ARHGAP32: variants seen among roughly 807,000 people sequenced by gnomAD.
ARHGAP32 encodes rho GTPase-activating protein 32.
In ARHGAP32, 51 loss-of-function variants were observed where a neutral mutation model predicts 186.5. The observed-to-expected ratio is 0.27, with a 90% confidence interval of 0.22 to 0.35. The LOEUF (loss-of-function observed/expected upper bound fraction) is 0.35. Ranked by LOEUF, ARHGAP32 falls within the 10% of genes least tolerant of loss-of-function variation. The probability of loss-of-function intolerance (pLI) is 1.00; values close to 1 mark genes in which losing one functional copy is unlikely to be tolerated. For missense variants in ARHGAP32, 2,186 were observed against 2,623.5 expected (o/e 0.83, Z 3.64); for synonymous variants, 950 against 964.3 (o/e 0.99, Z 0.27).
intron 1 of ARHGAP32, among the ~76,000 whole-genome samples, chr11:129,256,316 GA>G (rs397778499): frequency 1.3e-5 from 2 of 151,196 alleles, no homozygotes; most frequent in Non-Finnish European, 3.0e-5. Flanking sequence ...TTTTAAAAAG[GA>G]AAAAAAAGAC....
chr11:129,212,056 G>A (rs535293248), intron 1 of ARHGAP32, among the ~76,000 whole-genome samples: 252 of 152,228 alleles, frequency 1.7e-3, no homozygotes, highest in Middle Eastern at 6.8e-3. Flanking sequence ...TTGGGGGACT[G>A]AGGTGGAAGG....
At chr11:129,106,330 T>C (rs1591619436) in intron 5 of ARHGAP32, among the ~76,000 whole-genome samples, 1 of 152,228 alleles carries the variant, frequency 6.6e-6, no homozygotes, top group African/African-American at 2.4e-5. Flanking sequence ...TACCATGGAA[T>C]ACTACACAGC....
chr11:129,064,364 T>C (rs1180627045), intron 8 of ARHGAP32, among the ~76,000 whole-genome samples: 1 of 152,128 alleles, frequency 6.6e-6, no homozygotes, highest in African/African-American at 2.4e-5. Flanking sequence ...TTCTTTCCAC[T>C]TTCCATCTTG....
intron 1 of ARHGAP32, among the ~76,000 whole-genome samples, chr11:129,220,100 C>G (rs1944693312): frequency 6.6e-6 from 1 of 152,138 alleles, no homozygotes; most frequent in African/African-American, 2.4e-5. Flanking sequence ...ATCAGACAGA[C>G]CAGATCACTT....
chr11:129,084,719 T>C (rs1011710532), intron 6 of ARHGAP32, among the ~76,000 whole-genome samples: 1 of 152,138 alleles, frequency 6.6e-6, no homozygotes, highest in Non-Finnish European at 1.5e-5. Flanking sequence ...GGTGACAAAC[T>C]TGAAACTCTC....
intron 10 of ARHGAP32, among the ~76,000 whole-genome samples, chr11:129,051,525 A>C (rs181894395): frequency 1.1e-4 from 17 of 152,334 alleles, no homozygotes; most frequent in African/African-American, 3.8e-4. Flanking sequence ...CAGAAGTTTT[A>C]AATTTTGATG....
chr11:129,068,460 A>C (rs1433006035), intron 6 of ARHGAP32, among the ~76,000 whole-genome samples: 5 of 152,046 alleles, frequency 3.3e-5, no homozygotes, highest in Non-Finnish European at 5.9e-5. Context: ...CCAAGTTATG[A>C]TGTACAAGCA....
At chr11:129,254,073 T>C (rs1317649523) in intron 1 of ARHGAP32, among the ~76,000 whole-genome samples, 1 of 152,140 alleles carries the variant, frequency 6.6e-6, no homozygotes, top group African/African-American at 2.4e-5. Flanking sequence ...TAAATAAGTG[T>C]GATCATAGCT....
chr11:129,066,214 C>T (rs1188421030), intron 7 of ARHGAP32, among the ~76,000 whole-genome samples: 2 of 152,034 alleles, frequency 1.3e-5, no homozygotes, highest in Non-Finnish European at 2.9e-5. Flanking sequence ...ATTTACTTTT[C>T]CCCATAAACC....
intron 5 of ARHGAP32, among the ~76,000 whole-genome samples, chr11:129,103,106 G>A (rs911236093): frequency 6.6e-6 from 1 of 152,034 alleles, no homozygotes; most frequent in African/African-American, 2.4e-5. Context: ...GCTACAACAG[G>A]GATGAACACT....
intron 1 of ARHGAP32, among the ~76,000 whole-genome samples, chr11:129,190,598 C>T (rs1315156800): frequency 6.6e-6 from 1 of 152,140 alleles, no homozygotes; most frequent in African/African-American, 2.4e-5. Flanking sequence ...AAAAGAAAAT[C>T]CCAGAGAGAC....
intron 1 of ARHGAP32, among the ~76,000 whole-genome samples, chr11:129,201,724 T>C (rs1944456683): frequency 1.3e-5 from 2 of 152,130 alleles, no homozygotes; most frequent in African/African-American, 4.8e-5. Flanking sequence ...CTCACACCTG[T>C]AATTCCAGTA....
chr11:129,180,858 T>G (rs932299464), intron 1 of ARHGAP32, among the ~76,000 whole-genome samples: 1 of 152,142 alleles, frequency 6.6e-6, no homozygotes, highest in African/African-American at 2.4e-5. Context: ...AATTGAAAGA[T>G]TATGGGAACC....
chr11:129,047,449 GT>G (rs201851629), intron 10 of ARHGAP32, among the ~76,000 whole-genome samples: 1 of 151,704 alleles, frequency 6.6e-6, no homozygotes, highest in Non-Finnish European at 1.5e-5. Flanking sequence ...ACAATTCCAG[GT>G]TTTTTTTGTT....
At chr11:129,222,688 C>T (rs796280509) in intron 1 of ARHGAP32, among the ~76,000 whole-genome samples, 5 of 152,294 alleles carry the variant, frequency 3.3e-5, no homozygotes, top group African/African-American at 1.2e-4. Context: ...TTTTAGTACT[C>T]TTTAAGTGCA....
At chr11:129,151,118 T>C (rs1384025680) in intron 2 of ARHGAP32, among the ~76,000 whole-genome samples, 2 of 151,300 alleles carry the variant, frequency 1.3e-5, no homozygotes, top group African/African-American at 4.9e-5. Flanking sequence ...GCAAAAACAG[T>C]AGAAAAAAGA....
At chr11:129,160,366 C>T (rs1465823519) in intron 2 of ARHGAP32, among the ~76,000 whole-genome samples, 1 of 152,078 alleles carries the variant, frequency 6.6e-6, no homozygotes, top group Admixed American at 6.6e-5. Flanking sequence ...TCGTCTCAAC[C>T]CAAAATCTCC....
intron 10 of ARHGAP32, among the ~76,000 whole-genome samples, chr11:129,058,677 A>G (rs1940365349): frequency 1.3e-5 from 2 of 152,220 alleles, no homozygotes; most frequent in African/African-American, 2.4e-5. Flanking sequence ...GGGCAGCTCC[A>G]TGGTTACTTT....
intron 1 of ARHGAP32, among the ~76,000 whole-genome samples, chr11:129,275,471 A>T (rs1171639487): frequency 6.6e-6 from 1 of 152,236 alleles, no homozygotes; most frequent in Non-Finnish European, 1.5e-5. Flanking sequence ...ACTCAAGTCT[A>T]TCTGGCTCCA....
Sources: allele counts gnomAD v4.1 joint callset (sites outside exome capture counted in the v4.1 genomes callset), GRCh38; gene constraint gnomAD v4.1.1; transcripts MANE v1.5; gene names NCBI Gene and HGNC (gene_info 2026-07-23, HGNC 2026-07-21).